Variants in NOX4 observed in about 807,000 individuals in gnomAD.
The protein encoded by NOX4 is NADPH oxidase 4, also known as kidney oxidase-1.
A neutral mutation model predicts 87.6 loss-of-function variants in NOX4; 69 were observed. The ratio of observed to expected loss-of-function variants is 0.79; its 90% confidence interval spans 0.65 to 0.96. The LOEUF is 0.96. Ranked by LOEUF, NOX4 falls within the 40% of genes least tolerant of loss-of-function variation. NOX4 has a pLI of 0.00. For missense variants in NOX4, 680 were observed against 681.5 expected (o/e 1.00, Z 0.02); for synonymous variants, 275 against 238.2 (o/e 1.15, Z -1.42).
chr11:89,481,584 G>A (rs554970376), intron 2 of NOX4, among the ~76,000 whole-genome samples: 1 of 152,126 alleles, frequency 6.6e-6, no homozygotes, highest in Non-Finnish European at 1.5e-5. Flanking sequence ...CAAAGCCCAT[G>A]ACCTTTTCAG....
At chr11:89,332,688 TCTGTGACAAG>T (rs1224083313) in intron 17 of NOX4, among the ~76,000 whole-genome samples, 112 of 152,048 alleles carry the variant, frequency 7.4e-4, no homozygotes, top group African/African-American at 2.5e-3. Context: ...CCACTCTTTA[TCTGTGACAAG>T]CTGACTATGC....
intron 8 of NOX4, among the ~76,000 whole-genome samples, chr11:89,417,595 T>C (rs550797277): frequency 2.3e-4 from 35 of 152,146 alleles, no homozygotes; most frequent in Non-Finnish European, 4.4e-4. Flanking sequence ...TTTGAGCTGC[T>C]AAGTAGTTTT....
upstream of NOX4, among the ~76,000 whole-genome samples, chr11:89,502,926 C>A (rs930800366): frequency 5.3e-5 from 8 of 151,984 alleles, no homozygotes; most frequent in Admixed American, 1.3e-4. Flanking sequence ...GAACACAATT[C>A]TTTTCCCTGT....
chr11:89,588,214 AAAGTT>A, the NOX4 span, among the ~76,000 whole-genome samples: 5 of 152,238 alleles, frequency 3.3e-5, no homozygotes, highest in Non-Finnish European at 4.4e-5. Context: ...TGATTCAAAT[AAAGTT>A]ATGTTCATAG....
At chr11:89,365,945 CA>C (rs1938950867) in intron 12 of NOX4, among the ~76,000 whole-genome samples, 2 of 151,866 alleles carry the variant, frequency 1.3e-5, no homozygotes, top group Admixed American at 1.3e-4. Context: ...GACTATGGAT[CA>C]GGGAAAAACA....
At chr11:89,462,367 C>T (rs1044214659) in intron 2 of NOX4, among the ~76,000 whole-genome samples, 1 of 151,964 alleles carries the variant, frequency 6.6e-6, no homozygotes, top group Non-Finnish European at 1.5e-5. Flanking sequence ...CTTGACAAGC[C>T]GACTTTCAAA....
intron 2 of NOX4, among the ~76,000 whole-genome samples, chr11:89,480,765 G>T (rs2135469785): frequency 6.6e-6 from 1 of 152,082 alleles, no homozygotes; most frequent in East Asian, 1.9e-4. Flanking sequence ...TGCAATGAAA[G>T]CTAGCTCTAG....
At chr11:89,389,386 T>A (rs989059361) in intron 11 of NOX4, among the ~76,000 whole-genome samples, 1 of 152,226 alleles carries the variant, frequency 6.6e-6, no homozygotes, top group African/African-American at 2.4e-5. Context: ...ATACTTTCAG[T>A]ATGAAAAGCT....
At chr11:89,456,894 C>T (rs1383117292) in intron 2 of NOX4, among the ~76,000 whole-genome samples, 1 of 152,154 alleles carries the variant, frequency 6.6e-6, no homozygotes, top group Non-Finnish European at 1.5e-5. Flanking sequence ...TGGACCTGGA[C>T]AGAACATGGT....
rs1565292523 is a variant in NOX4, at chr11:89,438,549, A to ATATAGT, written c.475+2138_475+2139insACTATA. Among the ~76,000 whole-genome samples, 94 of 89,608 alleles carry ATATAGT rather than the reference A, an allele frequency of 1.0e-3. 2 individuals carry two copies. Among genetic ancestry groups the ATATAGT allele is most frequent in the African/African-American group, 4.7e-3 (89 of 18,988 alleles). The allele number at this position is 89,608 out of a possible 152,430, so 58.8% of individuals were successfully genotyped here. On this transcript the variant is annotated intron_variant, in intron 6 of 17. Transcript: ENST00000263317. ...CTATATATTACACACTATATATAATAATATACTATATATAATATAATATAT... is the reference window on the plus strand; with the variant it reads ...CTATATATTACACACTATATATAATATATAGTATATACTATATATAATATAATATAT...
chr11:89,484,482 C>A (rs1176442146), intron 2 of NOX4, among the ~76,000 whole-genome samples: 1 of 152,002 alleles, frequency 6.6e-6, no homozygotes, highest in African/African-American at 2.4e-5. Flanking sequence ...AGCTAGTAGT[C>A]CATACAGTGT....
chr11:89,476,329 G>A (rs138771847), intron 2 of NOX4, among the ~76,000 whole-genome samples: 150 of 151,852 alleles, frequency 9.9e-4, no homozygotes, highest in African/African-American at 2.9e-3. Flanking sequence ...TGGTTAAATG[G>A]TTACTATTAT....
At chr11:89,437,685 G>C (rs763119020) in intron 6 of NOX4, among the ~76,000 whole-genome samples, 3 of 152,090 alleles carry the variant, frequency 2.0e-5, no homozygotes, top group Non-Finnish European at 4.4e-5. Flanking sequence ...GCATACTCTA[G>C]AAGCAGCCCT....
chr11:89,432,409 TAATAA>T (rs1384924653), intron 7 of NOX4, among the ~76,000 whole-genome samples: 12 of 151,778 alleles, frequency 7.9e-5, no homozygotes, highest in Admixed American at 6.6e-5. Context: ...AATAATGAAA[TAATAA>T]AATAAAATAA....
intron 14 of NOX4, among the ~76,000 whole-genome samples, chr11:89,341,315 G>A (rs1945990290): frequency 6.6e-6 from 1 of 151,838 alleles, no homozygotes; most frequent in Non-Finnish European, 1.5e-5. Flanking sequence ...TAGAGACAGG[G>A]TTTCACCATG....
At chr11:89,498,823 A>G (rs1946987371), upstream of NOX4, 1 of 152,316 alleles carries the variant, frequency 6.6e-6, no homozygotes. Flanking sequence ...CAAAAAGGTT[A>G]ACTAGATAGG....
At chr11:89,397,184 A>G (rs993132396) in intron 11 of NOX4, among the ~76,000 whole-genome samples, 5 of 152,218 alleles carry the variant, frequency 3.3e-5, no homozygotes, top group African/African-American at 1.2e-4. Flanking sequence ...CTGCTCAACT[A>G]CATGGAAACT....
the NOX4 span, among the ~76,000 whole-genome samples, chr11:89,587,487 T>C: frequency 1.5e-5 from 1 of 67,516 alleles, no homozygotes; most frequent in Non-Finnish European, 3.5e-5. Flanking sequence ...AGGGAAAGGA[T>C]TGCGTTCCAG....
chr11:89,381,446 C>T (rs1299984080), intron 11 of NOX4, among the ~76,000 whole-genome samples: 1 of 151,952 alleles, frequency 6.6e-6, no homozygotes, highest in African/African-American at 2.4e-5. Flanking sequence ...CCAAAAGCTC[C>T]CCCACTGAGC....
Sources: allele counts gnomAD v4.1 joint callset (sites outside exome capture counted in the v4.1 genomes callset), GRCh38; gene constraint gnomAD v4.1.1; transcripts MANE v1.5; gene names NCBI Gene and HGNC (gene_info 2026-07-23, HGNC 2026-07-21).